ADAMTS18: variants seen among roughly 807,000 people sequenced by gnomAD.
ADAMTS18 encodes the protein ADAM metallopeptidase with thrombospondin type 1 motif 18.
A neutral mutation model predicts 165.9 loss-of-function variants in ADAMTS18; 157 were observed. That is an observed-to-expected ratio of 0.95 (90% CI 0.83 to 1.08). The LOEUF (loss-of-function observed/expected upper bound fraction) is 1.08, where lower values mean the gene tolerates loss of function less well. Among genes scored for constraint, ADAMTS18 ranks in the 50% least tolerant of loss-of-function variants. ADAMTS18 has a pLI of 0.00. For missense variants in ADAMTS18, 2,040 were observed against 1,534.0 expected (o/e 1.33, Z -5.51); for synonymous variants, 782 against 578.2 (o/e 1.35, Z -5.06).
At chr16:77,322,238 C>A in intron 14 of ADAMTS18, 98 bp downstream of exon 14, 2 of 1,445,858 alleles carry the variant, frequency 1.4e-6, no homozygotes, top group Non-Finnish European at 1.9e-6. Context: ...ACCTGCTCTT[C>A]TCCAGACACA....
At chr16:77,362,933 C>A (rs993967764) in intron 6 of ADAMTS18, among the ~76,000 whole-genome samples, 1 of 152,170 alleles carries the variant, frequency 6.6e-6, no homozygotes, top group Non-Finnish European at 1.5e-5. Context: ...TCCTAACCAG[C>A]ACACGCCTTT....
Position 77,297,350 on chromosome 16 carries a change from T to G in ADAMTS18, c.2740A>C (p.Ser914Arg), listed in dbSNP as rs199824733. 9.2e-5 allele frequency: 148 copies of G among 1,613,958 alleles called. 2 individuals carry two copies. Among genetic ancestry groups the G allele is most frequent in the Non-Finnish European group, 4.8e-5 (57 of 1,179,940 alleles). ...TCAGTTACTGGCTTGGTTTTTGCACTGCAGAATGAGGAATTGACTTGAGTA... is the reference window on the plus strand; with the variant it reads ...TCAGTTACTGGCTTGGTTTTTGCACGGCAGAATGAGGAATTGACTTGAGTA... ...QNTQVNSSFCSAKTKPVTEPK... is the reference protein window; with the variant it reads ...QNTQVNSSFCRAKTKPVTEPK... The change falls in exon 18 of 23, where the codon AGT becomes CGT. Residue 914 changes from serine (S) to arginine (R), a missense_variant. Transcript: ENST00000282849.
chr16:77,333,982 G>A lies in ADAMTS18; in HGVS notation c.1859+1774C>T, dbSNP rs1459849930. ...CTATATATAATATAGTGTCATATAT[G>A]CTATATATAATATACAGTGCAATAT... On this transcript the variant is annotated intron_variant, in intron 12 of 22. Coordinates refer to ENST00000282849, the MANE Select transcript of ADAMTS18 (RefSeq NM_199355.4). 4.3e-5 allele frequency among the ~76,000 whole-genome samples: 6 copies of A among 139,406 alleles called. No individual in the cohort carries two copies. In the East Asian group the frequency reaches 1.2e-3, roughly 29 times the overall value. 91.5% of individuals were successfully genotyped at this position (139,406 alleles called of 152,430 possible). A position where few individuals can be genotyped will look rare whatever the true frequency, so the allele number is the denominator to read the frequency against.
At chr16:77,301,006 A>G (rs2055572253) in intron 16 of ADAMTS18, among the ~76,000 whole-genome samples, 1 of 152,196 alleles carries the variant, frequency 6.6e-6, no homozygotes, top group Admixed American at 6.5e-5. Flanking sequence ...AAATTTTCCC[A>G]AAGAGAATTT....
At chr16:77,362,025 G>C in intron 7 of ADAMTS18, 80 bp downstream of exon 7, 1 of 1,457,630 alleles carries the variant, frequency 6.9e-7, no homozygotes, top group Non-Finnish European at 9.6e-7. Flanking sequence ...GGAACATAAG[G>C]GCTATCCATC....
chr16:77,308,855 T>C (rs2055729031), intron 16 of ADAMTS18, among the ~76,000 whole-genome samples: 2 of 152,206 alleles, frequency 1.3e-5, no homozygotes, highest in South Asian at 4.1e-4. Flanking sequence ...CACTTGAAAA[T>C]TTAATTTCTT....
intron 13 of ADAMTS18, among the ~76,000 whole-genome samples, chr16:77,322,814 G>C (rs2056027591): frequency 6.6e-6 from 1 of 152,170 alleles, no homozygotes; most frequent in East Asian, 1.9e-4. Flanking sequence ...CAGAAATGAA[G>C]TAGTGTGGCT....
chr16:77,334,617 T>C (rs1180815752), intron 12 of ADAMTS18, among the ~76,000 whole-genome samples: 2 of 112,944 alleles, frequency 1.8e-5, no homozygotes, highest in Non-Finnish European at 3.3e-5. Flanking sequence ...CTATAGTATA[T>C]AGTATATATA....
chr16:77,398,042 C>A (rs1185990779), intron 3 of ADAMTS18, among the ~76,000 whole-genome samples: 1 of 152,244 alleles, frequency 6.6e-6, no homozygotes, highest in East Asian at 1.9e-4. Context: ...AAGGGCCGGG[C>A]ATGGTGGCTC....
chr16:77,376,851 A>G (rs2056961274), intron 3 of ADAMTS18, among the ~76,000 whole-genome samples: 1 of 132,180 alleles, frequency 7.6e-6, no homozygotes, highest in Non-Finnish European at 1.6e-5. Context: ...GTCTCCCTGC[A>G]ACACCCAGGC....
At chr16:77,431,927 C>T (rs1369114635) in intron 2 of ADAMTS18, among the ~76,000 whole-genome samples, 4 of 152,122 alleles carry the variant, frequency 2.6e-5, no homozygotes, top group Non-Finnish European at 5.9e-5. Flanking sequence ...GTTTAATGGT[C>T]TGGGCCTTTT....
chr16:77,327,874 G>C (rs2056122629), intron 12 of ADAMTS18, among the ~76,000 whole-genome samples: 1 of 152,138 alleles, frequency 6.6e-6, no homozygotes, highest in South Asian at 2.1e-4. Context: ...GCACACTGGG[G>C]AGAAGGAACA....
intron 3 of ADAMTS18, among the ~76,000 whole-genome samples, chr16:77,368,540 A>C (rs572344775): frequency 2.0e-5 from 3 of 150,998 alleles, no homozygotes; most frequent in African/African-American, 7.3e-5. Context: ...GGTCTCAAGC[A>C]ATCCTCCTGC....
At chr16:77,402,219 TATA>T (rs1432369560) in intron 3 of ADAMTS18, among the ~76,000 whole-genome samples, 2 of 152,204 alleles carry the variant, frequency 1.3e-5, no homozygotes, top group African/African-American at 4.8e-5. Flanking sequence ...ACTTTAGTTA[TATA>T]ATGAGATACT....
intron 4 of ADAMTS18, among the ~76,000 whole-genome samples, chr16:77,366,556 C>T (rs1006505387): frequency 6.6e-6 from 1 of 152,006 alleles, no homozygotes; most frequent in Non-Finnish European, 1.5e-5. Context: ...GAAACTGTCT[C>T]AAACAAAACA....
At chr16:77,348,233 G>C (rs1490329740) in intron 10 of ADAMTS18, among the ~76,000 whole-genome samples, 2 of 151,978 alleles carry the variant, frequency 1.3e-5, no homozygotes, top group East Asian at 1.9e-4. Flanking sequence ...TCCACCACTA[G>C]ATAAATAAGA....
intron 3 of ADAMTS18, among the ~76,000 whole-genome samples, chr16:77,370,096 CATAT>C (rs1307008372): frequency 6.6e-6 from 1 of 152,062 alleles, no homozygotes; most frequent in Non-Finnish European, 1.5e-5. Flanking sequence ...CAATAAAGGC[CATAT>C]ATGACAAACT....
rs149761267 is a variant in ADAMTS18 at position 77,379,742 on chromosome 16, C to T, written c.496-12019G>A. On this transcript the variant is annotated intron_variant, in intron 3 of 22. Transcript: ENST00000282849. ...CTGACCTCAAGTAATCCACCCACCT[C>T]GGCCTCTCAAAGTACTGGCATTAAA... is the stretch of plus-strand genomic sequence containing the variant. Among the ~76,000 whole-genome samples, 745 of 152,234 alleles carry T rather than the reference C, an allele frequency of 4.9e-3. 3 individuals are homozygous for T. The highest frequency in any genetic ancestry group is 0.014 in the East Asian group (70 of 5,164).
rs376883495 is a variant in ADAMTS18, at chr16:77,319,861, C to A, written c.2520G>T (p.Thr840=). 7 of 1,613,894 alleles carry A rather than the reference C, an allele frequency of 4.3e-6. No individual in the cohort carries two copies. The highest frequency in any genetic ancestry group is 5.9e-6 in the Non-Finnish European group (7 of 1,179,900). Residue 840 remains threonine (T), a synonymous_variant, in exon 16 of 23, where the codon ACG becomes ACT. Transcript: ENST00000282849. ...AGAAGGGGCTTACTTCAAAGACCAGCGTCTCATTTGTGGGCCCTGGCGCGT... is the reference window on the plus strand; with the variant it reads ...AGAAGGGGCTTACTTCAAAGACCAGAGTCTCATTTGTGGGCCCTGGCGCGT... ...RLYAPGPTNE[T]LVFEILMQGK... is the part of the protein sequence containing the mutation.
Sources: allele counts gnomAD v4.1 joint callset (sites outside exome capture counted in the v4.1 genomes callset), GRCh38; gene constraint gnomAD v4.1.1; transcripts MANE v1.5; gene names NCBI Gene and HGNC (gene_info 2026-07-23, HGNC 2026-07-21).